CMC2: variants seen among roughly 807,000 people sequenced by gnomAD.
The protein encoded by CMC2 is C-X9-C motif containing 2.
In CMC2, 5 loss-of-function variants were observed where a neutral mutation model predicts 7.5. The ratio of observed to expected loss-of-function variants is 0.66; its 90% CI spans 0.35 to 1.40. The LOEUF is 1.40. Among genes scored for constraint, CMC2 ranks in the 40% most tolerant of loss-of-function variants. CMC2 has a pLI of 0.04. For missense variants in CMC2, 115 were observed against 92.3 expected (o/e 1.25, Z -1.01); for synonymous variants, 37 against 31.4 (o/e 1.18, Z -0.60).
chr16:80,969,789 C>G lies in CMC2; in HGVS notation c.*6304G>C, dbSNP rs1445892963. On this transcript the variant is annotated 3_prime_UTR_variant, in exon 4 of 4. Coordinates refer to ENST00000219400, the MANE Select transcript of CMC2 (RefSeq NM_020188.5). ...CCTGTAATCCCAGCTACTTGGGAGG[C>G]TGAGGCACAAGAATCACTTGAACCC... 1 of 150,268 alleles carries G rather than the reference C, an allele frequency of 6.7e-6. No homozygotes were observed. Among genetic ancestry groups the G allele is most frequent in the South Asian group, 2.1e-4 (1 of 4,808 alleles). 9.3% of individuals were successfully genotyped at this position (150,268 alleles called of 1,614,324 possible). A position where few individuals can be genotyped will look rare whatever the true frequency, so the allele number is the denominator to read the frequency against.
chr16:81,004,851 G>T (rs1969133285), intron 1 of CMC2, among the ~76,000 whole-genome samples: 1 of 152,204 alleles, frequency 6.6e-6, no homozygotes, highest in Admixed American at 6.5e-5. Context: ...TAAACCAAGA[G>T]CCAGCGCTGT....
chr16:80,992,889 G>A (rs919759169), intron 2 of CMC2, among the ~76,000 whole-genome samples: 6 of 152,016 alleles, frequency 3.9e-5, no homozygotes, highest in African/African-American at 1.4e-4. Flanking sequence ...ACAGGATCTT[G>A]CTATGTTGCC....
At chr16:81,003,402 G>C (rs546784097) in intron 1 of CMC2, among the ~76,000 whole-genome samples, 21 of 152,326 alleles carry the variant, frequency 1.4e-4, no homozygotes, top group South Asian at 1.0e-3. Flanking sequence ...CTAAGCACAA[G>C]TCTTACAATG....
chr16:80,993,192 C>G (rs559103912), intron 2 of CMC2, among the ~76,000 whole-genome samples: 15 of 152,114 alleles, frequency 9.9e-5, no homozygotes, highest in Non-Finnish European at 1.9e-4. Context: ...CATGAAAGAA[C>G]AAACTGAATA....
intron 3 of CMC2, among the ~76,000 whole-genome samples, chr16:80,979,035 T>C (rs561103308): frequency 8.8e-4 from 133 of 151,660 alleles, no homozygotes; most frequent in Non-Finnish European, 1.4e-3. Flanking sequence ...GGGCTGAGAT[T>C]GCGCCACTGC....
chr16:81,005,890 A>G (rs192979473), intron 1 of CMC2, among the ~76,000 whole-genome samples: 2 of 152,356 alleles, frequency 1.3e-5, no homozygotes, highest in Admixed American at 6.5e-5. Flanking sequence ...GCCAATGCAC[A>G]TGGTAAATGC....
At position 80,976,112 on chromosome 16, in the gene CMC2, G is replaced by A. The variant is rs1185983339; in HGVS notation, c.221C>T (p.Pro74Leu). Residue 74 changes from proline (P) to leucine (L), a missense_variant, in exon 4 of 4, where the codon CCA becomes CTA. By Grantham distance (98) the Pro-to-Leu change is moderately conservative. Transcript: ENST00000219400. ...TACAATTTATTTTTCGGATTCCTCT[G>A]GAGGATTAAAAAGTTTCTTTCGCAT... ...IAMRKKLFNP[P>L]EESEK 6.2e-7 allele frequency: 1 copy of A among 1,603,390 alleles called. No homozygotes were observed.
chr16:80,978,850 G>C (rs1354799239), intron 3 of CMC2, among the ~76,000 whole-genome samples: 1 of 152,174 alleles, frequency 6.6e-6, no homozygotes, highest in Non-Finnish European at 1.5e-5. Context: ...AGGAGGCCAA[G>C]GCGGGCGGAT....
chr16:80,981,894 G>C lies in CMC2; in HGVS notation c.82-17C>G, dbSNP rs1359245319. On this transcript the variant is annotated splice_polypyrimidine_tract_variant and intron_variant, in intron 2 of 3. Transcript: ENST00000219400. ...AATGTTGTGCTAAAAGGAAGAAAAG[G>C]AGTAAAATATTTCATCCCATAATAT... 3.2e-6 allele frequency: 5 copies of C among 1,559,252 alleles called. No homozygotes were observed. The highest frequency in any genetic ancestry group is 1.7e-5 in the Admixed American group (1 of 58,970).
rs1911919636 is a variant in CMC2 at position 80,971,562 on chromosome 16, TTTTATATATA to T, written c.*4521_*4530del. On this transcript the variant is annotated 3_prime_UTR_variant, in exon 4 of 4. Coordinates refer to ENST00000219400, the MANE Select transcript of CMC2 (RefSeq NM_020188.5). ...GGCTATGGATACTGACATACATACA[TTTTATATATA>T]TATATATATATATGTATGAAATCAT... 1.3e-5 allele frequency: 1 copy of T among 76,038 alleles called. No individual in the cohort carries two copies. The highest frequency in any genetic ancestry group is 2.6e-5 in the Non-Finnish European group (1 of 39,042). 4.7% of individuals were successfully genotyped at this position (76,038 alleles called of 1,614,324 possible).
intron 2 of CMC2, among the ~76,000 whole-genome samples, chr16:80,996,408 T>G (rs190969550): frequency 1.8e-3 from 274 of 152,368 alleles, no homozygotes; most frequent in Non-Finnish European, 3.2e-3. Context: ...CAGTGAATAT[T>G]TTATATAGTT....
intron 1 of CMC2, among the ~76,000 whole-genome samples, chr16:81,002,336 G>A (rs8048415): frequency 0.12 from 17,994 of 152,158 alleles, 1,177 homozygotes; most frequent in East Asian, 0.25. Context: ...CGAAGCAGGA[G>A]AATCACTTGA....
chr16:80,977,566 G>A (rs1009311217), intron 3 of CMC2, among the ~76,000 whole-genome samples: 1 of 152,146 alleles, frequency 6.6e-6, no homozygotes, highest in South Asian at 2.1e-4. Flanking sequence ...GTGATACCGA[G>A]CTCATCAGGG....
rs894570255 is a variant in CMC2 at position 80,968,572 on chromosome 16, A to T, written c.*7521T>A. 1 of 152,192 alleles carries T rather than the reference A, an allele frequency of 6.6e-6. No individual in the cohort carries two copies. The highest frequency in any genetic ancestry group is 1.5e-5 in the Non-Finnish European group (1 of 68,048). The allele number at this position is 152,192 out of a possible 1,614,324, so 9.4% of individuals were successfully genotyped here. On this transcript the variant is annotated 3_prime_UTR_variant, in exon 4 of 4. Coordinates refer to ENST00000219400, the MANE Select transcript of CMC2 (RefSeq NM_020188.5). ...ATGAGTTAGTTCTCTAACTGTTGAA[A>T]ATATAATCATTCCTAGGGGGCAGTC...
intron 2 of CMC2, among the ~76,000 whole-genome samples, chr16:80,993,333 G>C (rs1968154966): frequency 6.6e-6 from 1 of 152,144 alleles, no homozygotes; most frequent in African/African-American, 2.4e-5. Flanking sequence ...AAACCATGTA[G>C]CAGAGAACAG....
At chr16:80,996,248 G>A (rs917206300) in intron 2 of CMC2, among the ~76,000 whole-genome samples, 1 of 152,070 alleles carries the variant, frequency 6.6e-6, no homozygotes. Context: ...TCAATAACAA[G>A]ACTGAAATGT....
intron 2 of CMC2, among the ~76,000 whole-genome samples, chr16:80,993,848 G>A (rs535382428): frequency 5.3e-5 from 8 of 152,214 alleles, no homozygotes; most frequent in Admixed American, 1.3e-4. Context: ...ATGACAAGCT[G>A]ATTCTAAAAT....
At chr16:80,977,615 C>T (rs1214354883) in intron 3 of CMC2, among the ~76,000 whole-genome samples, 2 of 152,182 alleles carry the variant, frequency 1.3e-5, no homozygotes, top group Admixed American at 6.5e-5. Flanking sequence ...TGAGGGGATT[C>T]ATGACTTTGA....
intron 2 of CMC2, among the ~76,000 whole-genome samples, chr16:80,995,454 G>A (rs1047222853): frequency 2.0e-5 from 3 of 152,056 alleles, no homozygotes; most frequent in Non-Finnish European, 2.9e-5. Flanking sequence ...TCAGGAGTTC[G>A]AGACCAGCCT....
Sources: allele counts gnomAD v4.1 joint callset (sites outside exome capture counted in the v4.1 genomes callset), GRCh38; gene constraint gnomAD v4.1.1; transcripts MANE v1.5; gene names NCBI Gene and HGNC (gene_info 2026-07-23, HGNC 2026-07-21).